The following ADAMTS17 variants were observed in gnomAD, a reference collection of about 807,000 sequenced individuals.
ADAMTS17 encodes ADAM metallopeptidase with thrombospondin type 1 motif 17.
ADAMTS17 carries 113 observed loss-of-function variants against 141.5 expected under a neutral mutation model. The ratio of observed to expected loss-of-function variants is 0.80; its 90% confidence interval spans 0.69 to 0.93. The LOEUF (loss-of-function observed/expected upper bound fraction) is 0.93. ADAMTS17 is among the 40% of genes least tolerant of loss of function. The probability of loss-of-function intolerance (pLI) is 0.00; values close to 1 mark genes in which losing one functional copy is unlikely to be tolerated. For missense variants in ADAMTS17, 1,659 were observed against 1,517.9 expected, an observed-to-expected ratio of 1.09 and a Z score of -1.54; for synonymous variants, 768 against 630.6, an observed-to-expected ratio of 1.22 and a Z score of -3.27.
At chr15:100,049,103 A>C in intron 17 of ADAMTS17, 111 bp from the exon 18 acceptor site, 1 of 1,501,036 alleles carries the variant, frequency 6.7e-7, no homozygotes, top group Non-Finnish European at 9.2e-7. Flanking sequence ...TCACTTGGTC[A>C]TTTAAAGTGA....
At chr15:100,330,843 G>A (rs2046028726) in intron 3 of ADAMTS17, 46 bp downstream of exon 3, 4 of 1,606,732 alleles carry the variant, frequency 2.5e-6, no homozygotes, top group Non-Finnish European at 3.4e-6. Context: ...AAAGGATGTG[G>A]GCTGTGCGTG....
At chr15:100,226,503 T>A (rs541112132) in intron 7 of ADAMTS17, among the ~76,000 whole-genome samples, 93 of 152,358 alleles carry the variant, frequency 6.1e-4, no homozygotes, top group Non-Finnish European at 9.1e-4. Flanking sequence ...GAAGAGAGGC[T>A]TTTCCGTGAA....
intron 3 of ADAMTS17, among the ~76,000 whole-genome samples, chr15:100,308,188 A>G (rs2141844943): frequency 6.6e-6 from 1 of 152,338 alleles, no homozygotes; most frequent in South Asian, 2.1e-4. Flanking sequence ...CCACATACAC[A>G]GACAACTCAC....
chr15:100,059,662 C>T (rs1320759772), intron 15 of ADAMTS17, among the ~76,000 whole-genome samples: 1 of 152,096 alleles, frequency 6.6e-6, no homozygotes, highest in Non-Finnish European at 1.5e-5. Context: ...TTGTGGAGTC[C>T]CAAGAACAAT....
In ADAMTS17 at chr15:100,132,074, A is replaced by C; in HGVS notation, c.1654T>G (p.Trp552Gly). The C allele has an allele frequency of 1.2e-6, 2 of 1,614,122 alleles. No individual in the cohort carries two copies. Among genetic ancestry groups the C allele is most frequent in the Non-Finnish European group, 8.5e-7 (1 of 1,180,008 alleles). The change falls in exon 12 of 22, where the codon TGG becomes GGG. Residue 552 changes from tryptophan to glycine, a missense_variant. By Grantham distance (184) the Trp-to-Gly change is radical. Transcript: ENST00000268070. ...VDGDWSPWGA[W>G]SMCSRTCGTG... Reference sequence around the variant, plus strand: ...CCACATGTTCGGCTGCACATGCTCCAGGCGCCCCACGGGCTCCAGTCTCCG... The same window carrying C: ...CCACATGTTCGGCTGCACATGCTCCCGGCGCCCCACGGGCTCCAGTCTCCG...
At chr15:100,329,907 G>T (rs2045999277) in intron 3 of ADAMTS17, among the ~76,000 whole-genome samples, 1 of 152,168 alleles carries the variant, frequency 6.6e-6, no homozygotes, top group South Asian at 2.1e-4. Context: ...ATGTCACCGG[G>T]ATACTAAACC....
chr15:100,310,571 A>G (rs2045370822), intron 3 of ADAMTS17, among the ~76,000 whole-genome samples: 2 of 152,188 alleles, frequency 1.3e-5, no homozygotes, highest in African/African-American at 2.4e-5. Flanking sequence ...CACAGGGTGC[A>G]GTGTGGACAC....
chr15:100,021,223 G>A (rs2061401437), intron 18 of ADAMTS17, among the ~76,000 whole-genome samples: 1 of 152,180 alleles, frequency 6.6e-6, no homozygotes, highest in Admixed American at 6.5e-5. Context: ...GTGGTTCTGG[G>A]TGGGTGTGCG....
At chr15:100,120,871 C>T (rs927075583) in intron 12 of ADAMTS17, among the ~76,000 whole-genome samples, 4 of 152,212 alleles carry the variant, frequency 2.6e-5, no homozygotes, top group South Asian at 2.1e-4. Context: ...AATGTATTGG[C>T]GGAGCCTGTC....
At chr15:100,310,665 C>G (rs781669688) in intron 3 of ADAMTS17, among the ~76,000 whole-genome samples, 9 of 152,190 alleles carry the variant, frequency 5.9e-5, no homozygotes, top group Non-Finnish European at 1.2e-4. Context: ...ACACCACCAC[C>G]AAAGCCGACC....
At chr15:100,060,850 AT>A (rs2033063766) in intron 15 of ADAMTS17, among the ~76,000 whole-genome samples, 1 of 152,308 alleles carries the variant, frequency 6.6e-6, no homozygotes, top group East Asian at 1.9e-4. Flanking sequence ...TGTGAGAGTA[AT>A]TCAAAGTAAT....
chr15:100,145,568 T>C (rs903163662), intron 10 of ADAMTS17, among the ~76,000 whole-genome samples: 2 of 152,168 alleles, frequency 1.3e-5, no homozygotes, highest in African/African-American at 4.8e-5. Flanking sequence ...TTAGTACTGT[T>C]TTTCTGGAGA....
At chr15:100,221,882 A>C (rs2042144276) in intron 7 of ADAMTS17, among the ~76,000 whole-genome samples, 1 of 151,670 alleles carries the variant, frequency 6.6e-6, no homozygotes, top group Non-Finnish European at 1.5e-5. Flanking sequence ...GGCCTTGCAC[A>C]CTCCTTCTGC....
chr15:100,189,326 C>T (rs1001054530), intron 8 of ADAMTS17, among the ~76,000 whole-genome samples: 5 of 152,192 alleles, frequency 3.3e-5, no homozygotes, highest in South Asian at 2.1e-4. Flanking sequence ...CGGGGCTTTG[C>T]GAGCTTGTTC....
At chr15:100,220,941 T>C (rs1468573855) in intron 7 of ADAMTS17, among the ~76,000 whole-genome samples, 1 of 152,230 alleles carries the variant, frequency 6.6e-6, no homozygotes, top group African/African-American at 2.4e-5. Flanking sequence ...GTTTCTACAT[T>C]GGGACTATGA....
chr15:100,038,982 C>G (rs1184821166), intron 18 of ADAMTS17, among the ~76,000 whole-genome samples: 5 of 152,170 alleles, frequency 3.3e-5, no homozygotes, highest in Non-Finnish European at 5.9e-5. Flanking sequence ...GTTTCAGTAG[C>G]CTGCTTATGT....
chr15:100,189,832 G>A (rs1363786483), intron 8 of ADAMTS17, among the ~76,000 whole-genome samples: 2 of 152,184 alleles, frequency 1.3e-5, no homozygotes, highest in African/African-American at 2.4e-5. Flanking sequence ...TGGGAAAGCC[G>A]TGGCCAAGGT....
intron 15 of ADAMTS17, among the ~76,000 whole-genome samples, chr15:100,082,978 T>C (rs1387271742): frequency 6.6e-6 from 1 of 152,136 alleles, no homozygotes; most frequent in African/African-American, 2.4e-5. Context: ...AGGTGCTGTG[T>C]TGTGGGAAAA....
rs906540243 is a variant in ADAMTS17, at chr15:99,973,922, T to TC, written c.*479dup. On this transcript the variant is annotated 3_prime_UTR_variant, in exon 22 of 22. Transcript: ENST00000268070. ...AAACGTGTGCTAAGCAGCCCGGCCC[T>TC]CCCCAGAGAAGCCACGGGCAGAGGC... The TC allele has an allele frequency of 9.3e-5, 22 of 236,838 alleles. No homozygotes were observed. In the East Asian group the frequency reaches 2.4e-3, roughly 25 times the overall value. 14.7% of individuals were successfully genotyped at this position (236,838 alleles called of 1,614,324 possible).
Sources: gnomAD v4.1 joint callset for allele counts (sites outside exome capture counted in the v4.1 genomes callset) on GRCh38, gnomAD v4.1.1 for gene constraint, MANE v1.5 for transcripts, NCBI Gene and HGNC (gene_info 2026-07-23, HGNC 2026-07-21) for gene names.